Variants in FUT8 observed in about 807,000 individuals in gnomAD.
FUT8 encodes the protein alpha-(1,6)-fucosyltransferase.
A neutral mutation model predicts 71.3 loss-of-function variants in FUT8; 29 were observed. That is an observed-to-expected ratio of 0.41 (90% CI 0.30 to 0.55). The LOEUF is 0.55. Among genes scored for constraint, FUT8 ranks in the 20% least tolerant of loss-of-function variants. The probability of loss-of-function intolerance (pLI) is 0.34; values close to 1 mark genes in which losing one functional copy is unlikely to be tolerated. For missense variants in FUT8, 544 were observed against 702.1 expected, an observed-to-expected ratio of 0.77 and a Z score of 2.55; for synonymous variants, 254 against 239.3, an observed-to-expected ratio of 1.06 and a Z score of -0.57.
chr14:65,604,594 C>G (rs543409096), intron 3 of FUT8, among the ~76,000 whole-genome samples: 1 of 151,910 alleles, frequency 6.6e-6, no homozygotes, highest in East Asian at 1.9e-4. Context: ...TGGGATACAG[C>G]AAAGGCAGTG....
the FUT8 span, among the ~76,000 whole-genome samples, chr14:65,372,207 C>T: frequency 6.6e-6 from 1 of 152,166 alleles, no homozygotes; most frequent in Non-Finnish European, 1.5e-5. Context: ...ACCTCTGATG[C>T]CTTGTGCTGG....
At chr14:65,477,905 C>G (rs1458802017) in intron 2 of FUT8, among the ~76,000 whole-genome samples, 2 of 150,986 alleles carry the variant, frequency 1.3e-5, no homozygotes, top group Non-Finnish European at 2.9e-5. Context: ...GTGTAAAAAG[C>G]ATCATGGTTT....
intron 2 of FUT8, among the ~76,000 whole-genome samples, chr14:65,508,790 C>T (rs1046859007): frequency 1.3e-5 from 2 of 152,088 alleles, no homozygotes; most frequent in Admixed American, 1.3e-4. Context: ...GCCTGAGCCA[C>T]CGTGCTTGGC....
At chr14:65,416,681 C>G (rs775247886) in intron 1 of FUT8, among the ~76,000 whole-genome samples, 1 of 151,208 alleles carries the variant, frequency 6.6e-6, no homozygotes, top group Non-Finnish European at 1.5e-5. Context: ...AAGATATTTA[C>G]GACTGATTTT....
intron 1 of FUT8, among the ~76,000 whole-genome samples, chr14:65,440,548 T>C (rs1595378981): frequency 6.6e-6 from 1 of 152,172 alleles, no homozygotes; most frequent in Non-Finnish European, 1.5e-5. Context: ...ATAATAGGTA[T>C]GTTAATTAGC....
rs375342259 is a variant in FUT8 at position 65,597,285 on chromosome 14, C to T, written c.204-18693C>T. On this transcript the variant is annotated intron_variant, in intron 3 of 10. Coordinates refer to ENST00000673929, the MANE Select transcript of FUT8 (RefSeq NM_001371533.1). ...TGCAGCTAACCAGCATTTTAAAAGG[C>T]GCTGATTTGAATGAGCTTTTCAGTG... Among the ~76,000 whole-genome samples, 10 of 152,224 alleles carry T rather than the reference C, an allele frequency of 6.6e-5. No homozygotes were observed. In the South Asian group the frequency reaches 1.2e-3, roughly 19 times the overall value.
intron 7 of FUT8, among the ~76,000 whole-genome samples, chr14:65,692,212 C>T (rs1480310871): frequency 3.2e-4 from 48 of 150,862 alleles, no homozygotes; most frequent in Admixed American, 8.5e-4. Context: ...CCGGACGGGG[C>T]GGCTGGCCAG....
At chr14:65,616,126 G>A in intron 4 of FUT8, 33 bp downstream of exon 4, 2 of 1,603,474 alleles carry the variant, frequency 1.2e-6, no homozygotes, top group South Asian at 2.2e-5. Context: ...CCCCTCCTCA[G>A]TATATGGGCT....
rs35280167 is a variant in FUT8 at position 65,512,907 on chromosome 14, C to CAAAA, written c.-227-48415_-227-48412dup. On this transcript the variant is annotated intron_variant, in intron 2 of 10. Coordinates refer to ENST00000673929, the MANE Select transcript of FUT8 (RefSeq NM_001371533.1). ...TGGGCGACAGAGTGAGACTCTGTCT[C>CAAAA]AAAAAAAAAAAAAAAAAAGAAAAAG... Among the ~76,000 whole-genome samples the CAAAA allele has an allele frequency of 3.5e-3, 292 of 83,950 alleles. 1 individual carries two copies. Among genetic ancestry groups the CAAAA allele is most frequent in the African/African-American group, 0.01 (270 of 25,936 alleles). 55.1% of individuals were successfully genotyped at this position (83,950 alleles called of 152,430 possible). A position where few individuals can be genotyped will look rare whatever the true frequency, so the allele number is the denominator to read the frequency against.
At chr14:65,384,847 C>G in the FUT8 span, among the ~76,000 whole-genome samples, 2 of 151,098 alleles carry the variant, frequency 1.3e-5, no homozygotes, top group Non-Finnish European at 2.9e-5. This position sits in a 1 kb window ranked among gnomAD's most constrained non-coding sequence, Gnocchi z 4.2. Flanking sequence ...AATTCCACTT[C>G]TTGCTGGACT....
intron 2 of FUT8, among the ~76,000 whole-genome samples, chr14:65,466,589 A>C (rs2066047605): frequency 6.6e-6 from 1 of 152,148 alleles, no homozygotes; most frequent in African/African-American, 2.4e-5. Flanking sequence ...GTCTCTACTA[A>C]AAATACAAAA....
At chr14:65,506,898 C>T (rs975400579) in intron 2 of FUT8, among the ~76,000 whole-genome samples, 4 of 152,198 alleles carry the variant, frequency 2.6e-5, no homozygotes, top group Admixed American at 2.0e-4. Context: ...GACCCGGCCA[C>T]GGATGAATAA....
At chr14:65,527,540 G>C (rs190628720) in intron 2 of FUT8, among the ~76,000 whole-genome samples, 133 of 152,126 alleles carry the variant, frequency 8.7e-4, no homozygotes, top group African/African-American at 3.1e-3. Flanking sequence ...AAGTTTGATC[G>C]TCTGAAGCCT....
Position 65,550,508 on chromosome 14 carries a change from C to CA in FUT8, c.-227-10828dup, listed in dbSNP as rs1337732529. The stretch of plus-strand genomic sequence containing the variant: ...AGAACAAAATGGTTGTAGGGTTACT[C>CA]AGAGTGGTTTCTACTGAATATATAT... On this transcript the variant is annotated intron_variant, in intron 2 of 10. Coordinates refer to ENST00000673929, the MANE Select transcript of FUT8 (RefSeq NM_001371533.1). The surrounding 1 kb of genome is among the most constrained non-coding windows in gnomAD (Gnocchi z 4.5). Among the ~76,000 whole-genome samples the CA allele has an allele frequency of 6.6e-6, 1 of 152,122 alleles. No individual in the cohort carries two copies. Among genetic ancestry groups the CA allele is most frequent in the African/African-American group, 2.4e-5 (1 of 41,414 alleles).
chr14:65,387,981 T>C, the FUT8 span, among the ~76,000 whole-genome samples: 1 of 152,200 alleles, frequency 6.6e-6, no homozygotes, highest in Non-Finnish European at 1.5e-5. Context: ...GGCCCAGTTA[T>C]TTATCTTCTT....
intron 5 of FUT8, chr14:65,617,123 C>T (rs1199359071): frequency 1.9e-6 from 3 of 1,596,056 alleles, no homozygotes; most frequent in African/African-American, 1.4e-5. Flanking sequence ...CATTAGTGAA[C>T]AATAAAAGAA....
At chr14:65,415,745 G>C (rs2139360064) in intron 1 of FUT8, among the ~76,000 whole-genome samples, 1 of 151,160 alleles carries the variant, frequency 6.6e-6, no homozygotes, top group South Asian at 2.1e-4. Flanking sequence ...TAGACATCTG[G>C]AGAACAATAT....
At chr14:65,559,707 C>G (rs1594769416) in intron 2 of FUT8, among the ~76,000 whole-genome samples, 2 of 152,040 alleles carry the variant, frequency 1.3e-5, no homozygotes, top group South Asian at 2.1e-4. Flanking sequence ...AATGAATTCA[C>G]TTCTTATTTG....
chr14:65,646,869 C>T (rs754320729), intron 6 of FUT8, among the ~76,000 whole-genome samples: 8 of 152,002 alleles, frequency 5.3e-5, no homozygotes, highest in Non-Finnish European at 1.0e-4. Flanking sequence ...AAGCTCTGAC[C>T]CTGAAAAATG....
Sources: allele counts gnomAD v4.1 joint callset (sites outside exome capture counted in the v4.1 genomes callset), GRCh38; gene constraint gnomAD v4.1.1; non-coding constraint Gnocchi (gnomAD v3.1); transcripts MANE v1.5; gene names NCBI Gene and HGNC (gene_info 2026-07-23, HGNC 2026-07-21).